SH3BGR: variants seen among roughly 807,000 people sequenced by gnomAD.
SH3BGR encodes the protein SH3 domain binding glutamate rich protein, also known as SH3 domain-binding glutamic acid-rich protein.
In SH3BGR, 29 loss-of-function variants were observed where a neutral mutation model predicts 24.5. That is an observed-to-expected ratio of 1.18 (90% CI 0.88 to 1.61). The LOEUF (loss-of-function observed/expected upper bound fraction) is 1.61. SH3BGR is among the 40% of genes most tolerant of loss of function. SH3BGR has a pLI of 0.00. For missense variants in SH3BGR, 162 were observed against 205.8 expected, an observed-to-expected ratio of 0.79 and a Z score of 1.30; for synonymous variants, 55 against 65.7, an observed-to-expected ratio of 0.84 and a Z score of 0.79.
Position 39,462,496 on chromosome 21 carries a change from A to G in SH3BGR, c.167A>G (p.Glu56Gly). ...RRWMRENVPG[E>G]KKPQNGIPLP... ...TGGATGAGAGAGAATGTTCCTGGAGAGAAAAAACCTCAAAATGGGATTCCT... is the reference window on the plus strand; with the variant it reads ...TGGATGAGAGAGAATGTTCCTGGAGGGAAAAAACCTCAAAATGGGATTCCT... Residue 56 changes from glutamate (E) to glycine (G), a missense_variant, in exon 2 of 7, where the codon GAG (glutamate) becomes GGG (glycine). Transcript: ENST00000333634. 6.2e-7 allele frequency: 1 copy of G among 1,609,384 alleles called. No homozygotes were observed. Among genetic ancestry groups the G allele is most frequent in the Non-Finnish European group, 8.5e-7 (1 of 1,179,048 alleles).
At chr21:39,496,506 C>CAAA (rs56909090) in intron 3 of SH3BGR, among the ~76,000 whole-genome samples, 10 of 103,012 alleles carry the variant, frequency 9.7e-5, no homozygotes, top group African/African-American at 1.2e-4. Flanking sequence ...GACTCCGTCT[C>CAAA]AAAAAAAAAA....
At chr21:39,494,448 T>G (rs547636912) in intron 3 of SH3BGR, among the ~76,000 whole-genome samples, 1 of 152,228 alleles carries the variant, frequency 6.6e-6, no homozygotes, top group East Asian at 1.9e-4. Flanking sequence ...GAAGTGTCTT[T>G]ACTTTGCTTT....
rs1238787775 is a variant in SH3BGR at position 39,479,253 on chromosome 21, G to A, written c.312+4038G>A. On this transcript the variant is annotated intron_variant, in intron 3 of 6. Transcript: ENST00000333634. Reference sequence around the variant, plus strand: ...GGTGGTGGTGGTGGTGGTGGTGGTGGTGGTGATGGTAGTGCTGGTGGTGAT... The same window carrying A: ...GGTGGTGGTGGTGGTGGTGGTGGTGATGGTGATGGTAGTGCTGGTGGTGAT... Among the ~76,000 whole-genome samples, 324 of 150,628 alleles carry A rather than the reference G, an allele frequency of 2.2e-3. 1 individual carries two copies. Among genetic ancestry groups the A allele is most frequent in the Admixed American group, 6.2e-3 (94 of 15,182 alleles).
At chr21:39,509,389 G>C (rs1335182631) in intron 5 of SH3BGR, among the ~76,000 whole-genome samples, 1 of 151,824 alleles carries the variant, frequency 6.6e-6, no homozygotes, top group East Asian at 1.9e-4. Flanking sequence ...CATCCTGCAT[G>C]GTGGTTAGTG....
chr21:39,464,296 C>T (rs1163608097), intron 2 of SH3BGR, among the ~76,000 whole-genome samples: 4 of 152,126 alleles, frequency 2.6e-5, no homozygotes, highest in Non-Finnish European at 4.4e-5. Flanking sequence ...AGTATCAGCT[C>T]ACTGCAACCT....
At chr21:39,446,913 A>G (rs568280624) in intron 1 of SH3BGR, 2 of 152,192 alleles carry the variant, frequency 1.3e-5, no homozygotes, top group Admixed American at 1.3e-4. Context: ...TTTGGTTTTT[A>G]TATAAAAGGA....
At chr21:39,470,838 G>A (rs1569156606) in intron 2 of SH3BGR, among the ~76,000 whole-genome samples, 1 of 151,338 alleles carries the variant, frequency 6.6e-6, no homozygotes, top group Non-Finnish European at 1.5e-5. Flanking sequence ...AGTTCTCTTG[G>A]TGGTAACTTC....
chr21:39,473,701 A>G (rs529911858), intron 2 of SH3BGR, among the ~76,000 whole-genome samples: 7 of 152,116 alleles, frequency 4.6e-5, no homozygotes, highest in African/African-American at 1.2e-4. Context: ...CCTGGCCAAC[A>G]TGGTGAAACC....
intron 1 of SH3BGR, among the ~76,000 whole-genome samples, chr21:39,460,508 G>C (rs1244000738): frequency 1.3e-5 from 2 of 151,916 alleles, no homozygotes; most frequent in African/African-American, 4.8e-5. Flanking sequence ...TTGAGACAGA[G>C]TCTCACTCTG....
chr21:39,446,200 TGAC>T, intron 1 of SH3BGR: 1 of 151,474 alleles, frequency 6.6e-6, no homozygotes. Context: ...CAAAATCTGA[TGAC>T]AAAACAATGC....
intron 4 of SH3BGR, among the ~76,000 whole-genome samples, chr21:39,506,324 T>C (rs1030005652): frequency 6.6e-6 from 1 of 152,200 alleles, no homozygotes; most frequent in Non-Finnish European, 1.5e-5. Flanking sequence ...GTGTGGCCAA[T>C]GTGAGAAAAT....
In SH3BGR at chr21:39,507,824, T is replaced by C. The variant is rs559451099; in HGVS notation, c.406-1174T>C. 4.6e-5 allele frequency among the ~76,000 whole-genome samples: 7 copies of C among 152,248 alleles called. No homozygotes were observed. The South Asian group carries it at 1.2e-3, about 27-fold the overall frequency. ...ATAGAGATGGGGGCGTCTTGCTATG[T>C]TGCCCAGGCTGGTCTTGAACTCCTG... On this transcript the variant is annotated intron_variant, in intron 4 of 6. Transcript: ENST00000333634.
At chr21:39,504,988 T>G (rs1465420863) in intron 4 of SH3BGR, among the ~76,000 whole-genome samples, 1 of 152,108 alleles carries the variant, frequency 6.6e-6, no homozygotes, top group Non-Finnish European at 1.5e-5. Flanking sequence ...AATTTTTACA[T>G]TTTTTGTAGA....
At chr21:39,449,666 A>G (rs2077551735), upstream of SH3BGR, among the ~76,000 whole-genome samples, 1 of 152,198 alleles carries the variant, frequency 6.6e-6, no homozygotes, top group Non-Finnish European at 1.5e-5. Flanking sequence ...CATAGTGAAA[A>G]GGGGGCACTA....
chr21:39,514,961 T>C (rs2078756909), intron 6 of SH3BGR, 127 bp from the exon 7 acceptor site: 3 of 299,898 alleles, frequency 1.0e-5, no homozygotes, highest in Admixed American at 9.5e-5. Context: ...GGGGAGCAAA[T>C]GATGACTAGT....
rs1177080930 is a variant in SH3BGR at position 39,511,872 on chromosome 21, C to T, written c.*34+63C>T. ...ACCGTACTGTATGCTATCTGCGGCA[C>T]ATTTTGCTTAGTAACAGGAGAAAGG... On this transcript the variant is annotated intron_variant, in intron 6 of 6. Coordinates refer to ENST00000333634, the MANE Select transcript of SH3BGR (RefSeq NM_007341.3). The surrounding 1 kb of genome is among the most constrained non-coding windows in gnomAD (Gnocchi z 4.2). 1.2e-5 allele frequency: 18 copies of T among 1,452,466 alleles called. No individual in the cohort carries two copies. Among genetic ancestry groups the T allele is most frequent in the Non-Finnish European group, 1.7e-5 (18 of 1,089,952 alleles). The allele number at this position is 1,452,466 out of a possible 1,614,324, so 90.0% of individuals were successfully genotyped here.
rs1602071436 is a variant in SH3BGR at position 39,458,208 on chromosome 21, T to C, written c.46-4167T>C. Among the ~76,000 whole-genome samples the C allele has an allele frequency of 5.5e-5, 2 of 36,556 alleles. 1 individual carries two copies. Among genetic ancestry groups the C allele is most frequent in the South Asian group, 1.8e-3 (2 of 1,082 alleles). 24.0% of individuals were successfully genotyped at this position (36,556 alleles called of 152,430 possible). A position where few individuals can be genotyped will look rare whatever the true frequency, so the allele number is the denominator to read the frequency against. ...TGAAAATGACAAGGGGCTCTTGTGC[T>C]CTGTAAAACATTTTTGTGAGTTGTT... On this transcript the variant is annotated intron_variant, in intron 1 of 6. Transcript: ENST00000333634.
upstream of SH3BGR, among the ~76,000 whole-genome samples, chr21:39,448,191 C>A (rs956105188): frequency 2.0e-5 from 3 of 152,144 alleles, no homozygotes; most frequent in African/African-American, 7.2e-5. Context: ...ACAAGACCCC[C>A]TCAACTGATT....
upstream of SH3BGR, among the ~76,000 whole-genome samples, chr21:39,448,056 C>T (rs548552692): frequency 1.3e-5 from 2 of 152,238 alleles, no homozygotes; most frequent in Admixed American, 1.3e-4. Context: ...CTTGTGGCAG[C>T]ACCACTCCAA....
Sources: gnomAD v4.1 joint callset for allele counts (sites outside exome capture counted in the v4.1 genomes callset) on GRCh38, gnomAD v4.1.1 for gene constraint, Gnocchi (gnomAD v3.1) non-coding constraint, MANE v1.5 for transcripts, NCBI Gene and HGNC (gene_info 2026-07-23, HGNC 2026-07-21) for gene names.